The following NDST1 variants were observed in gnomAD, a reference collection of about 807,000 sequenced individuals.
NDST1 encodes bifunctional heparan sulfate N-deacetylase/N-sulfotransferase 1.
Under a neutral mutation model 92.8 loss-of-function variants are expected in NDST1, and 35 were observed. That is an observed-to-expected ratio of 0.38 (90% CI 0.29 to 0.50). NDST1 has a LOEUF of 0.50. Ranked by LOEUF, NDST1 falls within the 20% of genes least tolerant of loss-of-function variation. The pLI is 0.94. For synonymous variants in NDST1, 493 were observed against 500.3 expected, an observed-to-expected ratio of 0.99 and a Z score of 0.19; for missense variants, 822 against 1,182.7, an observed-to-expected ratio of 0.69 and a Z score of 4.47.
Position 150,521,986 on chromosome 5 carries a change from C to T in NDST1, c.513+219C>T, listed in dbSNP as rs1239712447. Among the ~76,000 whole-genome samples, 1 of 152,184 alleles carries T rather than the reference C, an allele frequency of 6.6e-6. No individual in the cohort carries two copies. The highest frequency in any genetic ancestry group is 1.5e-5 in the Non-Finnish European group (1 of 68,026). The stretch of plus-strand genomic sequence containing the variant: ...GGGAGCGTGCCAGGGGGATCGCCTG[C>T]TGTGCGTGGGGTCCAGCACACAGCA... On this transcript the variant is annotated intron_variant, in intron 2 of 14. Coordinates refer to ENST00000261797, the MANE Select transcript of NDST1 (RefSeq NM_001543.5). The surrounding 1 kb of genome is among the most constrained non-coding windows in gnomAD (Gnocchi z 5.9).
In NDST1 at chr5:150,534,937, C is replaced by T; in HGVS notation, c.1167C>T (p.His389=). 6.2e-7 allele frequency: 1 copy of T among 1,614,268 alleles called. No homozygotes were observed. The highest frequency in any genetic ancestry group is 8.5e-7 in the Non-Finnish European group (1 of 1,180,048). The change falls in exon 5 of 15, where the codon CAC becomes CAT. Residue 389 remains histidine, a synonymous_variant. Transcript: ENST00000261797. The stretch of plus-strand genomic sequence containing the variant: ...TGAAGGAGTTCTGGTGGTTCCCCCA[C>T]ATGTGGAGCCACATGCAGCCCCACC... ...SYVKEFWWFP[H]MWSHMQPHLF...
At chr5:150,502,860 C>T (rs1366150732) in intron 1 of NDST1, among the ~76,000 whole-genome samples, 8 of 152,026 alleles carry the variant, frequency 5.3e-5, no homozygotes, top group Admixed American at 5.2e-4. Flanking sequence ...GCTCTGCTAC[C>T]AACAGAGCTC....
chr5:150,527,121 C>A (rs1754509330), intron 2 of NDST1, among the ~76,000 whole-genome samples: 1 of 152,254 alleles, frequency 6.6e-6, no homozygotes. Context: ...AAACCCCAGG[C>A]AACCACGCCT....
intron 1 of NDST1, among the ~76,000 whole-genome samples, chr5:150,498,962 G>A (rs969971877): frequency 1.3e-5 from 2 of 152,158 alleles, no homozygotes; most frequent in African/African-American, 4.8e-5. Context: ...TATGGCCTCT[G>A]AAGTTCTAGA....
chr5:150,533,046 C>T lies in NDST1; in HGVS notation c.1096+14C>T. On this transcript the variant is annotated intron_variant, in intron 4 of 14. Coordinates refer to ENST00000261797, the MANE Select transcript of NDST1 (RefSeq NM_001543.5). The stretch of plus-strand genomic sequence containing the variant: ...TCTTCCACACAGGTAAGTGGGCCTG[C>T]CCCTGCCCTCACTAGCAACTTCCAG... The T allele has an allele frequency of 6.2e-7, 1 of 1,611,548 alleles. No homozygotes were observed. The highest frequency in any genetic ancestry group is 8.5e-7 in the Non-Finnish European group (1 of 1,177,626).
rs1754841516 is a variant in NDST1 at position 150,533,538 on chromosome 5, C to A, written c.1096+506C>A. Among the ~76,000 whole-genome samples, 8 of 152,246 alleles carry A rather than the reference C, an allele frequency of 5.3e-5. No individual in the cohort carries two copies. The South Asian group carries it at 1.7e-3, about 32-fold the overall frequency. Reference sequence around the variant, plus strand: ...CTTTCCTTCCTCTTTGGGGCTCTCTCACTTGCTGTCCTCTCTTCATCTGCT... The same window carrying A: ...CTTTCCTTCCTCTTTGGGGCTCTCTAACTTGCTGTCCTCTCTTCATCTGCT... On this transcript the variant is annotated intron_variant, in intron 4 of 14. Coordinates refer to ENST00000261797, the MANE Select transcript of NDST1 (RefSeq NM_001543.5).
rs768536519 is a variant in NDST1 at position 150,528,109 on chromosome 5, C to T, written c.819C>T (p.His273=). 23 of 1,613,882 alleles carry T rather than the reference C, an allele frequency of 1.4e-5. No homozygotes were observed. The highest frequency in any genetic ancestry group is 5.0e-5 in the Admixed American group (3 of 60,012). The change falls in exon 3 of 15, where the codon CAC becomes CAT. Residue 273 remains histidine (H), a synonymous_variant. Transcript: ENST00000261797. ...HATVVQDLGL[H]DGIQRVLFGN... is the part of the protein sequence containing the mutation. ...CTGTGGTCCAGGACCTGGGCCTGCACGACGGCATCCAGCGCGTGCTGTTTG... is the reference window on the plus strand; with the variant it reads ...CTGTGGTCCAGGACCTGGGCCTGCATGACGGCATCCAGCGCGTGCTGTTTG...
At chr5:150,533,795 A>G (rs73272701) in intron 4 of NDST1, among the ~76,000 whole-genome samples, 5,295 of 152,078 alleles carry the variant, frequency 0.035, 319 homozygotes, top group African/African-American at 0.12. Context: ...TTTTTTATAT[A>G]TTTTTGGCTG....
At chr5:150,543,322 C>T (rs189228104) in intron 10 of NDST1, among the ~76,000 whole-genome samples, 9 of 152,318 alleles carry the variant, frequency 5.9e-5, no homozygotes, top group Non-Finnish European at 1.0e-4. Context: ...CTCCTCACTG[C>T]GTGTGGCTGA....
At chr5:150,517,304 A>ATT (rs34230800) in intron 1 of NDST1, among the ~76,000 whole-genome samples, 105 of 139,768 alleles carry the variant, frequency 7.5e-4, no homozygotes, top group South Asian at 1.4e-3. Flanking sequence ...CACCTGGCTC[A>ATT]TTTTTTTTTT....
At chr5:150,503,375 G>A (rs1753314599), upstream of NDST1, among the ~76,000 whole-genome samples, 1 of 152,214 alleles carries the variant, frequency 6.6e-6, no homozygotes, top group African/African-American at 2.4e-5. Context: ...CTGGGAGGTG[G>A]AGGTTGCTTG....
chr5:150,547,609 C>T (rs1755544655), intron 11 of NDST1, among the ~76,000 whole-genome samples: 1 of 152,244 alleles, frequency 6.6e-6, no homozygotes, highest in African/African-American at 2.4e-5. Context: ...CTTTCTAACA[C>T]TGTCAACCTC....
intron 5 of NDST1, 108 bp downstream of exon 5, chr5:150,535,129 C>T: frequency 6.7e-7 from 1 of 1,482,752 alleles, no homozygotes; most frequent in Non-Finnish European, 9.2e-7. Context: ...CGGATTTTTA[C>T]TAACACCTCT....
chr5:150,515,975 C>T (rs1454402007), intron 1 of NDST1, among the ~76,000 whole-genome samples: 1 of 150,868 alleles, frequency 6.6e-6, no homozygotes, highest in African/African-American at 2.4e-5. Context: ...CCCACCCCCA[C>T]CCCAGGGTAT....
chr5:150,527,679 G>A (rs536750271), intron 2 of NDST1, 125 bp from the exon 3 acceptor site: 3 of 1,397,442 alleles, frequency 2.1e-6, no homozygotes, highest in African/African-American at 1.4e-5. Flanking sequence ...GGCCAGGGTG[G>A]TGAGCCCTCC....
chr5:150,520,632 T>C (rs533787702), intron 1 of NDST1, among the ~76,000 whole-genome samples: 96 of 152,340 alleles, frequency 6.3e-4, no homozygotes, highest in Non-Finnish European at 1.2e-3. Flanking sequence ...CAAACGTTGT[T>C]GGACTTAATC....
chr5:150,506,305 G>A (rs1258071724), upstream of NDST1, among the ~76,000 whole-genome samples: 2 of 152,144 alleles, frequency 1.3e-5, no homozygotes, highest in East Asian at 3.8e-4. Flanking sequence ...TAGAGAAGGG[G>A]TTTTGCCATG....
rs146299403 is a variant in NDST1, at chr5:150,521,605, G to A, written c.351G>A (p.Pro117=). The change falls in exon 2 of 15, where the codon CCG becomes CCA. Residue 117 remains proline, a synonymous_variant. Transcript: ENST00000261797. The surrounding 1 kb of genome is among the most constrained non-coding windows in gnomAD (Gnocchi z 5.9). The part of the protein sequence containing the change: ...SRFKYRTEIA[P]GKGDMPTLTD... Reference sequence around the variant, plus strand: ...TCAAATACCGCACAGAGATTGCGCCGGGCAAGGGTGACATGCCCACGCTCA... The same window carrying A: ...TCAAATACCGCACAGAGATTGCGCCAGGCAAGGGTGACATGCCCACGCTCA... 4.5e-5 allele frequency: 72 copies of A among 1,614,022 alleles called. No individual in the cohort carries two copies. The highest frequency in any genetic ancestry group is 6.7e-5 in the African/African-American group (5 of 75,046).
upstream of NDST1, among the ~76,000 whole-genome samples, chr5:150,506,750 C>A (rs1197260151): frequency 2.0e-5 from 3 of 151,928 alleles, no homozygotes; most frequent in African/African-American, 7.3e-5. Flanking sequence ...AGTCCCTTAA[C>A]ACCCCAAGGC....
Sources: gnomAD v4.1 joint callset for allele counts (sites outside exome capture counted in the v4.1 genomes callset) on GRCh38, gnomAD v4.1.1 for gene constraint, Gnocchi (gnomAD v3.1) non-coding constraint, MANE v1.5 for transcripts, NCBI Gene and HGNC (gene_info 2026-07-23, HGNC 2026-07-21) for gene names.